TAMM41: variants seen among roughly 807,000 people sequenced by gnomAD.
The protein encoded by TAMM41 is TAM41 mitochondrial translocator assembly and maintenance homolog, also known as phosphatidate cytidylyltransferase, mitochondrial.
TAMM41 carries 36 observed loss-of-function variants against 44.1 expected under a neutral mutation model. That is an observed-to-expected ratio of 0.82 (90% CI 0.63 to 1.08). The LOEUF is 1.08. Among genes scored for constraint, TAMM41 ranks in the 50% least tolerant of loss-of-function variants. The pLI is 0.00. For synonymous variants in TAMM41, 164 were observed against 153.1 expected, an observed-to-expected ratio of 1.07 and a Z score of -0.53; for missense variants, 417 against 404.3, an observed-to-expected ratio of 1.03 and a Z score of -0.27.
At chr3:11,776,261 G>C in the TAMM41 span, among the ~76,000 whole-genome samples, 2 of 151,576 alleles carry the variant, frequency 1.3e-5, no homozygotes, top group Non-Finnish European at 2.9e-5. Flanking sequence ...CTCATGATCC[G>C]CCCACCTCGG....
intron 3 of TAMM41, among the ~76,000 whole-genome samples, chr3:11,836,041 G>A (rs2079159894): frequency 6.7e-6 from 1 of 149,814 alleles, no homozygotes; most frequent in Non-Finnish European, 1.5e-5. Context: ...CTAGGCTGGA[G>A]TGCGGAGTGC....
the TAMM41 span, among the ~76,000 whole-genome samples, chr3:11,754,364 T>A: frequency 1.3e-5 from 2 of 152,100 alleles, no homozygotes; most frequent in Admixed American, 6.6e-5. Context: ...CAATTCTTTT[T>A]AAAAATTTTT....
chr3:11,767,643 T>TTTTTTTTTTTTTTTTTTTTTTTA, the TAMM41 span, among the ~76,000 whole-genome samples: 1 of 139,034 alleles, frequency 7.2e-6, no homozygotes. Context: ...TTTTTTTTTT[T>TTTTTTTTTTTTTTTTTTTTTTTA]GAGACAGAGT....
chr3:11,809,859 G>C, intron 5 of TAMM41, 177 bp from the exon 6 acceptor site: 1 of 538,526 alleles, frequency 1.9e-6, no homozygotes, highest in Non-Finnish European at 3.2e-6. Context: ...GTGTTCAGGA[G>C]TCTAAGTCCC....
chr3:11,771,468 G>T, the TAMM41 span: 2 of 152,184 alleles, frequency 1.3e-5, no homozygotes, highest in Admixed American at 1.3e-4. Context: ...AGTCTCTGTT[G>T]CCTCATTTGT....
At chr3:11,722,636 C>T in the TAMM41 span, among the ~76,000 whole-genome samples, 1 of 151,988 alleles carries the variant, frequency 6.6e-6, no homozygotes, top group Non-Finnish European at 1.5e-5. Context: ...AAGTCAGGGC[C>T]AGCCTGGCCA....
the TAMM41 span, among the ~76,000 whole-genome samples, chr3:11,742,859 G>A: frequency 2.6e-5 from 4 of 152,132 alleles, no homozygotes; most frequent in East Asian, 5.8e-4. Context: ...GCCTCCCAAA[G>A]TGCTGGGATT....
At chr3:11,780,770 ATTTAC>A in the TAMM41 span, among the ~76,000 whole-genome samples, 1 of 152,258 alleles carries the variant, frequency 6.6e-6, no homozygotes, top group East Asian at 1.9e-4. Context: ...CTAATTCACA[ATTTAC>A]TTTACTTTTC....
the TAMM41 span, among the ~76,000 whole-genome samples, chr3:11,756,726 G>A: frequency 6.6e-6 from 1 of 152,126 alleles, no homozygotes; most frequent in Non-Finnish European, 1.5e-5. Flanking sequence ...TTAGCTGGGC[G>A]TGGTGGCACA....
chr3:11,784,756 C>T, the TAMM41 span, among the ~76,000 whole-genome samples: 1 of 151,004 alleles, frequency 6.6e-6, no homozygotes, highest in Admixed American at 6.6e-5. Flanking sequence ...ACTTTGTTTA[C>T]TCTTTCCTGC....
At chr3:11,804,888 A>G (rs1016977031) in intron 7 of TAMM41, among the ~76,000 whole-genome samples, 2 of 150,566 alleles carry the variant, frequency 1.3e-5, no homozygotes, top group African/African-American at 4.9e-5. Context: ...TTTTTGAGAC[A>G]GGGTCTCACT....
chr3:11,725,303 T>A, the TAMM41 span, among the ~76,000 whole-genome samples: 2 of 86,026 alleles, frequency 2.3e-5, no homozygotes, highest in African/African-American at 8.4e-5. Flanking sequence ...CTTCTCCTCC[T>A]CCTTTTTTTC....
chr3:11,817,433 T>A lies in TAMM41; in HGVS notation c.563-96A>T. ...CCACACTGATACCGCACGGGTTCAC[T>A]CTGGCAGGATCCCTCATCAGAACAC... is the stretch of plus-strand genomic sequence containing the variant. On this transcript the variant is annotated intron_variant, in intron 4 of 7. Coordinates refer to ENST00000455809, the MANE Select transcript of TAMM41 (RefSeq NM_001284401.2). 3.2e-6 allele frequency: 4 copies of A among 1,265,650 alleles called. No individual in the cohort carries two copies. The South Asian group carries it at 7.4e-5, about 23-fold the overall frequency. The allele number at this position is 1,265,650 out of a possible 1,614,324, so 78.4% of individuals were successfully genotyped here. A position where few individuals can be genotyped will look rare whatever the true frequency, so the allele number is the denominator to read the frequency against.
At chr3:11,804,157 G>A (rs951348350) in intron 7 of TAMM41, among the ~76,000 whole-genome samples, 4 of 152,208 alleles carry the variant, frequency 2.6e-5, no homozygotes, top group South Asian at 2.1e-4. Flanking sequence ...AAGGACAGCT[G>A]AGCTGTGGGT....
At chr3:11,838,954 G>C (rs1220738376) in intron 3 of TAMM41, among the ~76,000 whole-genome samples, 1 of 152,106 alleles carries the variant, frequency 6.6e-6, no homozygotes, top group Non-Finnish European at 1.5e-5. Context: ...AATAATAAAA[G>C]ACCCTCTCAT....
At chr3:11,817,446 C>G (rs1453705800) in intron 4 of TAMM41, 109 bp from the exon 5 acceptor site, 1 of 1,119,196 alleles carries the variant, frequency 8.9e-7, no homozygotes, top group Non-Finnish European at 1.2e-6. Context: ...GGCAGGATCC[C>G]TCATCAGAAC....
the TAMM41 span, among the ~76,000 whole-genome samples, chr3:11,722,361 G>C: frequency 2.1e-5 from 3 of 145,636 alleles, no homozygotes; most frequent in African/African-American, 8.5e-5. Flanking sequence ...ACACACTCAA[G>C]TTACTGTAAG....
chr3:11,812,360 A>C (rs1248861398), intron 5 of TAMM41, among the ~76,000 whole-genome samples: 1 of 152,250 alleles, frequency 6.6e-6, no homozygotes, highest in Non-Finnish European at 1.5e-5. Flanking sequence ...GCAGTGGCAC[A>C]GCCTGAAGAC....
chr3:11,777,796 A>G, the TAMM41 span, among the ~76,000 whole-genome samples: 1 of 152,240 alleles, frequency 6.6e-6, no homozygotes, highest in Non-Finnish European at 1.5e-5. Flanking sequence ...TCCATCTCAA[A>G]AAAGAAAAAA....
Sources: allele counts gnomAD v4.1 joint callset (sites outside exome capture counted in the v4.1 genomes callset), GRCh38; gene constraint gnomAD v4.1.1; transcripts MANE v1.5; gene names NCBI Gene and HGNC (gene_info 2026-07-23, HGNC 2026-07-21).